The following SLC2A1 variants were observed in gnomAD, a reference collection of about 807,000 sequenced individuals.
The protein encoded by SLC2A1 is solute carrier family 2 member 1.
A neutral mutation model predicts 46.6 loss-of-function variants in SLC2A1; 4 were observed. The observed-to-expected ratio is 0.09, with a 90% confidence interval of 0.04 to 0.20. The LOEUF is 0.20. Among genes scored for constraint, SLC2A1 ranks in the 10% least tolerant of loss-of-function variants. The pLI, the probability that SLC2A1 is intolerant of heterozygous loss-of-function variation, is 1.00. For synonymous variants in SLC2A1, 253 were observed against 270.0 expected, an observed-to-expected ratio of 0.94 and a Z score of 0.62; for missense variants, 352 against 667.0, an observed-to-expected ratio of 0.53 and a Z score of 5.20.
At chr1:42,957,919 T>A (rs934995953) in intron 1 of SLC2A1, among the ~76,000 whole-genome samples, 9 of 151,878 alleles carry the variant, frequency 5.9e-5, no homozygotes, top group African/African-American at 2.2e-4. Context: ...GCGGAACACA[T>A]CTCCGCGAGA....
rs1447655431 is a variant in SLC2A1, at chr1:42,929,541, C to T, written c.867+52G>A. On this transcript the variant is annotated intron_variant, in intron 6 of 9. Transcript: ENST00000426263. This position sits in a 1 kb window ranked among gnomAD's most constrained non-coding sequence, Gnocchi z 6.0. ...GTTTGGGACTTGTTCACCATGCACACTTGACCAGAGGGCTTGGCTGGGGCA... is the reference window on the plus strand; with the variant it reads ...GTTTGGGACTTGTTCACCATGCACATTTGACCAGAGGGCTTGGCTGGGGCA... The T allele has an allele frequency of 6.5e-7, 1 of 1,548,536 alleles. No individual in the cohort carries two copies. Among genetic ancestry groups the T allele is most frequent in the Non-Finnish European group, 8.9e-7 (1 of 1,124,362 alleles).
At chr1:42,935,553 G>A (rs1643534272) in intron 2 of SLC2A1, among the ~76,000 whole-genome samples, 2 of 152,192 alleles carry the variant, frequency 1.3e-5, no homozygotes, top group South Asian at 4.1e-4. Flanking sequence ...AGGAGCCTTA[G>A]GGACAAGGTT....
rs751115453 is a variant in SLC2A1 at position 42,927,000 on chromosome 1, AG to A, written c.*40del. Reference sequence around the variant, plus strand: ...CTGCCTGTGCTCCTGAGAGATCCTTAGGGCTGCTGGGAGCAGGCCGGGCTGG... The same window carrying A: ...CTGCCTGTGCTCCTGAGAGATCCTTAGGCTGCTGGGAGCAGGCCGGGCTGG... On this transcript the variant is annotated 3_prime_UTR_variant, in exon 10 of 10. Coordinates refer to ENST00000426263, the MANE Select transcript of SLC2A1 (RefSeq NM_006516.4). 3 of 1,606,438 alleles carry A rather than the reference AG, an allele frequency of 1.9e-6. No homozygotes were observed. The highest frequency in any genetic ancestry group is 2.6e-6 in the Non-Finnish European group (3 of 1,174,770).
chr1:42,932,934 T>A (rs1246623567), intron 2 of SLC2A1, among the ~76,000 whole-genome samples: 2 of 152,210 alleles, frequency 1.3e-5, no homozygotes, highest in African/African-American at 2.4e-5. Flanking sequence ...AGGATCTGCT[T>A]GTCCGTTCCA....
intron 2 of SLC2A1, among the ~76,000 whole-genome samples, chr1:42,935,536 C>A (rs1643533503): frequency 6.6e-6 from 1 of 152,218 alleles, no homozygotes; most frequent in African/African-American, 2.4e-5. Flanking sequence ...GAAGTCACCA[C>A]TTTCGGAGGA....
chr1:42,926,872 G>A lies in SLC2A1; in HGVS notation c.*169C>T. ...GTCTTGCTTTTGTTAAAATCCTGGA[G>A]CCGTTAAGTCCTGAATATTCTTCTG... On this transcript the variant is annotated 3_prime_UTR_variant, in exon 10 of 10. Transcript: ENST00000426263. The A allele has an allele frequency of 6.8e-7, 1 of 1,472,940 alleles. No individual in the cohort carries two copies. The highest frequency in any genetic ancestry group is 8.9e-7 in the Non-Finnish European group (1 of 1,117,970). 91.2% of individuals were successfully genotyped at this position (1,472,940 alleles called of 1,614,324 possible).
chr1:42,943,854 T>C (rs1643622947), intron 1 of SLC2A1, among the ~76,000 whole-genome samples: 1 of 152,200 alleles, frequency 6.6e-6, no homozygotes, highest in South Asian at 2.1e-4. Flanking sequence ...CTCTCCCCTA[T>C]CCTCCATTTG....
At chr1:42,952,294 T>C in intron 1 of SLC2A1, 1 of 425,924 alleles carries the variant, frequency 2.3e-6, no homozygotes, top group Non-Finnish European at 4.8e-6. Flanking sequence ...CCCGGGCTTC[T>C]AGGCAGCACT....
In SLC2A1 at chr1:42,954,958, C is replaced by G. The variant is rs1413214888; in HGVS notation, c.18+3676G>C. ...CGCAGGGCACTCACATGAGCTGACCCTCCCTGGCCTGGCACTCTCACCCAT... is the reference window on the plus strand; with the variant it reads ...CGCAGGGCACTCACATGAGCTGACCGTCCCTGGCCTGGCACTCTCACCCAT... On this transcript the variant is annotated intron_variant, in intron 1 of 9. Transcript: ENST00000426263. The surrounding 1 kb of genome is among the most constrained non-coding windows in gnomAD (Gnocchi z 4.2). Among the ~76,000 whole-genome samples the G allele has an allele frequency of 6.6e-6, 1 of 152,204 alleles. No homozygotes were observed. Among genetic ancestry groups the G allele is most frequent in the African/African-American group, 2.4e-5 (1 of 41,454 alleles).
At chr1:42,933,570 G>T (rs1236968538) in intron 2 of SLC2A1, among the ~76,000 whole-genome samples, 1 of 152,136 alleles carries the variant, frequency 6.6e-6, no homozygotes, top group East Asian at 1.9e-4. Context: ...GCAGACAGAA[G>T]GCAGATTTTG....
chr1:42,949,067 CA>C (rs370563756), intron 1 of SLC2A1, among the ~76,000 whole-genome samples: 6,445 of 107,000 alleles, frequency 0.06, 422 homozygotes, highest in African/African-American at 0.2. Flanking sequence ...GACTCTGTCT[CA>C]AAAAAAAAAA....
Position 42,958,665 on chromosome 1 carries a change from T to TGGTGGCTCTGGCTGCGCC in SLC2A1, c.-32_-15dup. On this transcript the variant is annotated 5_prime_UTR_variant, in exon 1 of 10. Coordinates refer to ENST00000426263, the MANE Select transcript of SLC2A1 (RefSeq NM_006516.4). The stretch of plus-strand genomic sequence containing the variant: ...GCTGGGCTCCATGGCAGCGCTGCGC[T>TGGTGGCTCTGGCTGCGCC]GGTGGCTCTGGCTGCGCCGGGTACG... 6.5e-7 allele frequency: 1 copy of TGGTGGCTCTGGCTGCGCC among 1,535,202 alleles called. No individual in the cohort carries two copies. Among genetic ancestry groups the TGGTGGCTCTGGCTGCGCC allele is most frequent in the East Asian group, 2.5e-5 (1 of 40,434 alleles).
intron 2 of SLC2A1, among the ~76,000 whole-genome samples, chr1:42,938,192 C>G (rs1026465387): frequency 6.6e-6 from 1 of 150,954 alleles, no homozygotes; most frequent in African/African-American, 2.4e-5. Context: ...TTCCCTGGTT[C>G]ATTTAGCTGC....
At chr1:42,928,533 C>T (rs759001452) in intron 8 of SLC2A1, among the ~76,000 whole-genome samples, 2 of 152,158 alleles carry the variant, frequency 1.3e-5, no homozygotes, top group Non-Finnish European at 2.9e-5. Context: ...TGAACTACAC[C>T]TCCAGTCGTG....
chr1:42,930,160 C>CA lies in SLC2A1; in HGVS notation c.517-126_517-125insT. Reference sequence around the variant, plus strand: ...GGGAAGGGCCCCAGTTCTAGAGGCTCTGCCACTAGCATGAGCCCTGTTTCT... The same window carrying CA: ...GGGAAGGGCCCCAGTTCTAGAGGCTCATGCCACTAGCATGAGCCCTGTTTCT... On this transcript the variant is annotated intron_variant, in intron 4 of 9. Coordinates refer to ENST00000426263, the MANE Select transcript of SLC2A1 (RefSeq NM_006516.4). This position sits in a 1 kb window ranked among gnomAD's most constrained non-coding sequence, Gnocchi z 6.2. 1.9e-6 allele frequency: 2 copies of CA among 1,040,984 alleles called. No homozygotes were observed. The highest frequency in any genetic ancestry group is 2.9e-6 in the Non-Finnish European group (2 of 685,378). The allele number at this position is 1,040,984 out of a possible 1,614,324, so 64.5% of individuals were successfully genotyped here. A position where few individuals can be genotyped will look rare whatever the true frequency, so the allele number is the denominator to read the frequency against.
intron 1 of SLC2A1, among the ~76,000 whole-genome samples, chr1:42,947,581 C>CACACAAAAAAAAAAAAA (rs1373644000): frequency 1.8e-5 from 1 of 55,830 alleles, no homozygotes; most frequent in African/African-American, 9.2e-5. Context: ...CACACACACA[C>CACACAAAAAAAAAAAAA]AAAAAAAAAA....
chr1:42,947,581 C>CACAAA (rs1373644000), intron 1 of SLC2A1, among the ~76,000 whole-genome samples: 1 of 55,838 alleles, frequency 1.8e-5, no homozygotes, highest in Non-Finnish European at 3.1e-5. Context: ...CACACACACA[C>CACAAA]AAAAAAAAAA....
intron 1 of SLC2A1, among the ~76,000 whole-genome samples, chr1:42,956,427 A>AAAAAAAAAAAAAAAC (rs1643776178): frequency 1.3e-5 from 1 of 76,886 alleles, no homozygotes; most frequent in African/African-American, 6.4e-5. Context: ...AAAAAAAAAA[A>AAAAAAAAAAAAAAAC]AAAAAACATT....
intron 1 of SLC2A1, among the ~76,000 whole-genome samples, chr1:42,945,754 C>CAA (rs55898550): frequency 1.4e-5 from 2 of 141,100 alleles, no homozygotes; most frequent in African/African-American, 5.5e-5. Flanking sequence ...AAAAAAAAAA[C>CAA]AAAAAACAAA....
Sources: allele counts gnomAD v4.1 joint callset (sites outside exome capture counted in the v4.1 genomes callset), GRCh38; gene constraint gnomAD v4.1.1; non-coding constraint Gnocchi (gnomAD v3.1); transcripts MANE v1.5; gene names NCBI Gene and HGNC (gene_info 2026-07-23, HGNC 2026-07-21).